The following WBP11 variants were observed in gnomAD, a reference collection of about 807,000 sequenced individuals.
WBP11 encodes the protein WW domain binding protein 11, also known as WW domain-binding protein 11.
Under a neutral mutation model 66.7 loss-of-function variants are expected in WBP11, and 12 were observed. The ratio of observed to expected loss-of-function variants is 0.18; its 90% CI spans 0.12 to 0.29. The LOEUF is 0.29. Ranked by LOEUF, WBP11 falls within the 10% of genes least tolerant of loss-of-function variation. The probability of loss-of-function intolerance (pLI) is 1.00; values close to 1 mark genes in which losing one functional copy is unlikely to be tolerated. For synonymous variants in WBP11, 255 were observed against 273.8 expected (o/e 0.93, Z 0.68); for missense variants, 555 against 818.3 (o/e 0.68, Z 3.93).
chr12:14,789,690 C>T (rs1379687777), intron 10 of WBP11, among the ~76,000 whole-genome samples: 17 of 152,084 alleles, frequency 1.1e-4, no homozygotes, highest in Admixed American at 9.8e-4. Flanking sequence ...ATCACAGCTC[C>T]GCAATGTTGG....
chr12:14,800,662 T>C, intron 3 of WBP11, 90 bp downstream of exon 3: 1 of 1,212,372 alleles, frequency 8.2e-7, no homozygotes, highest in Non-Finnish European at 1.2e-6. Flanking sequence ...TAGAAAATAT[T>C]AGAAATGTTA....
intron 11 of WBP11, 84 bp from the exon 12 acceptor site, chr12:14,787,582 C>A: frequency 1.6e-6 from 2 of 1,245,892 alleles, no homozygotes; most frequent in Non-Finnish European, 1.0e-6. Flanking sequence ...TATTGGTTGC[C>A]AATTTTTAAA....
chr12:14,799,922 T>C (rs1296822934), intron 3 of WBP11, among the ~76,000 whole-genome samples, 194 bp from the exon 4 acceptor site: 1 of 152,222 alleles, frequency 6.6e-6, no homozygotes, highest in Non-Finnish European at 1.5e-5. Context: ...ATTTTTAAGA[T>C]GTGCTTTCTT....
At position 14,793,753 on chromosome 12, in the gene WBP11, G is replaced by C. The variant is rs1682323494; in HGVS notation, c.891C>G (p.Asp297Glu). The change falls in exon 8 of 12, where the codon GAC becomes GAG. Residue 297 changes from aspartate (D) to glutamate (E), a missense_variant. Physicochemically the swap from Asp to Glu is conservative, Grantham distance 45. Coordinates refer to ENST00000261167, the MANE Select transcript of WBP11 (RefSeq NM_016312.3). ...EFVHRDNGERDNNEEKKSGLS... is the reference protein window; with the variant it reads ...EFVHRDNGERENNEEKKSGLS... ...TACCTGACTTCTTTTCTTCATTGTT[G>C]TCTCTCTCACCATTATCACGGTGCA... The C allele has an allele frequency of 6.2e-7, 1 of 1,613,108 alleles. No homozygotes were observed. Among genetic ancestry groups the C allele is most frequent in the South Asian group, 1.1e-5 (1 of 90,928 alleles).
At chr12:14,797,137 A>C in intron 4 of WBP11, 134 bp from the exon 5 acceptor site, 1 of 540,860 alleles carries the variant, frequency 1.8e-6, no homozygotes, top group Non-Finnish European at 2.9e-6. Flanking sequence ...TACTCTTTTC[A>C]ATTTTATTCG....
chr12:14,793,931 T>G lies in WBP11; in HGVS notation c.722-9A>C. Reference sequence around the variant, plus strand: ...ATCATGACCTCGCTGGGCTGAAAAGTGGGAAGGGAACATGGAGAAGTAGTA... The same window carrying G: ...ATCATGACCTCGCTGGGCTGAAAAGGGGGAAGGGAACATGGAGAAGTAGTA... On this transcript the variant is annotated splice_polypyrimidine_tract_variant and intron_variant, in intron 7 of 11. Coordinates refer to ENST00000261167, the MANE Select transcript of WBP11 (RefSeq NM_016312.3). The G allele has an allele frequency of 6.3e-7, 1 of 1,598,184 alleles. No individual in the cohort carries two copies. The highest frequency in any genetic ancestry group is 1.7e-5 in the Admixed American group (1 of 58,520).
intron 8 of WBP11, among the ~76,000 whole-genome samples, chr12:14,793,043 A>G (rs1265162228): frequency 6.6e-6 from 1 of 152,112 alleles, no homozygotes; most frequent in Non-Finnish European, 1.5e-5. Context: ...TCTTGCAACC[A>G]TGATTCTTAA....
At position 14,785,410 on chromosome 12, in the gene WBP11, C is replaced by A. The variant is rs1248822103; in HGVS notation, c.*1655G>T. On this transcript the variant is annotated 3_prime_UTR_variant, in exon 12 of 12. Transcript: ENST00000261167. Reference sequence around the variant, plus strand: ...CAATATTGATACCATATGGTTTGATCCTTGATATCCGTAAGTTATCAAGGA... The same window carrying A: ...CAATATTGATACCATATGGTTTGATACTTGATATCCGTAAGTTATCAAGGA... The A allele has an allele frequency of 6.6e-6, 1 of 152,068 alleles. No homozygotes were observed. The highest frequency in any genetic ancestry group is 1.5e-5 in the Non-Finnish European group (1 of 68,004). The allele number at this position is 152,068 out of a possible 1,614,324, so 9.4% of individuals were successfully genotyped here. A position where few individuals can be genotyped will look rare whatever the true frequency, so the allele number is the denominator to read the frequency against.
Position 14,788,963 on chromosome 12 carries a change from G to T in WBP11, c.1480C>A (p.Pro494Thr). 1 of 1,455,934 alleles carries T rather than the reference G, an allele frequency of 6.9e-7. No homozygotes were observed. The allele number at this position is 1,455,934 out of a possible 1,614,324, so 90.2% of individuals were successfully genotyped here. A position where few individuals can be genotyped will look rare whatever the true frequency, so the allele number is the denominator to read the frequency against. ...PRGPPPRLPPPAPPGIPPPRP... is the reference protein window; with the variant it reads ...PRGPPPRLPPTAPPGIPPPRP... Reference sequence around the variant, plus strand: ...TTGAAAGCATCACCTGGAGGTGCAGGGGGAGGTAGCCTTGGTGGGGGTCCA... The same window carrying T: ...TTGAAAGCATCACCTGGAGGTGCAGTGGGAGGTAGCCTTGGTGGGGGTCCA... The change falls in exon 11 of 12, where the codon CCT becomes ACT. Residue 494 changes from proline to threonine, a missense_variant. Pro to Thr is a conservative substitution (Grantham distance 38). Around this residue, in one of 6 missense-constraint regions of WBP11, gnomAD observed 230 missense variants for 286.3 expected, o/e 0.80. Coordinates refer to ENST00000261167, the MANE Select transcript of WBP11 (RefSeq NM_016312.3).
chr12:14,784,852 A>G lies in WBP11; in HGVS notation c.*2213T>C, dbSNP rs1949733760. On this transcript the variant is annotated 3_prime_UTR_variant, in exon 12 of 12. Coordinates refer to ENST00000261167, the MANE Select transcript of WBP11 (RefSeq NM_016312.3). ...AGCTGACCATTTTCATGAAAATATT[A>G]TGTAAATTATGATCATAACAAGTGT... 6.6e-6 allele frequency: 1 copy of G among 152,216 alleles called. No individual in the cohort carries two copies. Among genetic ancestry groups the G allele is most frequent in the African/African-American group, 2.4e-5 (1 of 41,454 alleles). 9.4% of individuals were successfully genotyped at this position (152,216 alleles called of 1,614,324 possible).
chr12:14,785,265 G>A lies in WBP11; in HGVS notation c.*1800C>T, dbSNP rs1005571486. 3 of 152,164 alleles carry A rather than the reference G, an allele frequency of 2.0e-5. No individual in the cohort carries two copies. The highest frequency in any genetic ancestry group is 1.3e-4 in the Admixed American group (2 of 15,278). The allele number at this position is 152,164 out of a possible 1,614,324, so 9.4% of individuals were successfully genotyped here. On this transcript the variant is annotated 3_prime_UTR_variant, in exon 12 of 12. Coordinates refer to ENST00000261167, the MANE Select transcript of WBP11 (RefSeq NM_016312.3). ...AGCCTGGGCAACAGAGTTAGAACCT[G>A]TCTCCATGGAAAAATGATAAAAACA...
Position 14,793,472 on chromosome 12 carries a change from T to C in WBP11, c.913+259A>G, listed in dbSNP as rs141734802. 2.0e-4 allele frequency among the ~76,000 whole-genome samples: 31 copies of C among 152,350 alleles called. 1 individual carries two copies. The East Asian group carries it at 5.8e-3, about 28-fold the overall frequency. The stretch of plus-strand genomic sequence containing the variant: ...CCCATAATACGTTTATGCTGTTGAA[T>C]AGTTATACCTTTTACCCCAAAGTGA... On this transcript the variant is annotated intron_variant, in intron 8 of 11. Coordinates refer to ENST00000261167, the MANE Select transcript of WBP11 (RefSeq NM_016312.3).
Position 14,796,549 on chromosome 12 carries a change from T to C in WBP11, c.387+258A>G, listed in dbSNP as rs1303485715. Among the ~76,000 whole-genome samples, 1 of 152,210 alleles carries C rather than the reference T, an allele frequency of 6.6e-6. No homozygotes were observed. The highest frequency in any genetic ancestry group is 2.4e-5 in the African/African-American group (1 of 41,456). On this transcript the variant is annotated intron_variant, in intron 5 of 11. Transcript: ENST00000261167. This position sits in a 1 kb window ranked among gnomAD's most constrained non-coding sequence, Gnocchi z 4.5. ...GGAAAAATCCACACCTGACCTAATG[T>C]GATGGGTCGTAGTTTTGTTTCATGC... is the stretch of plus-strand genomic sequence containing the variant.
intron 9 of WBP11, 64 bp downstream of exon 9, chr12:14,791,105 G>C (rs1281640845): frequency 6.8e-7 from 1 of 1,470,878 alleles, no homozygotes; most frequent in Non-Finnish European, 9.4e-7. Context: ...ATGGAAAAAC[G>C]TATGTAAAGT....
intron 10 of WBP11, 86 bp downstream of exon 10, chr12:14,790,370 C>T (rs779593988): frequency 1.0e-5 from 15 of 1,482,308 alleles, no homozygotes; most frequent in Non-Finnish European, 1.3e-5. Flanking sequence ...AACAAGAAAA[C>T]ATGAACACTA....
chr12:14,799,612 G>T, intron 4 of WBP11, 23 bp downstream of exon 4: 1 of 1,607,906 alleles, frequency 6.2e-7, no homozygotes. Flanking sequence ...GACTGTTATA[G>T]CTGCCTGTTT....
intron 2 of WBP11, 99 bp downstream of exon 2, chr12:14,801,221 C>T: frequency 8.2e-7 from 1 of 1,213,784 alleles, no homozygotes; most frequent in Non-Finnish European, 1.2e-6. Context: ...CCTCCTATCA[C>T]TGCTGGTCTT....
At position 14,790,506 on chromosome 12, in the gene WBP11, G is replaced by A; in HGVS notation, c.1259C>T (p.Pro420Leu). Residue 420 changes from proline (P) to leucine (L), a missense_variant, in exon 10 of 12, where the codon CCA becomes CTA. Physicochemically the swap from Pro to Leu is moderately conservative, Grantham distance 98. Coordinates refer to ENST00000261167, the MANE Select transcript of WBP11 (RefSeq NM_016312.3). ...TGTAGGTGGCCCAGGAGGCCGTAATGGTGGAGCAGGTGGTGGTCCAAGAGG... is the reference window on the plus strand; with the variant it reads ...TGTAGGTGGCCCAGGAGGCCGTAATAGTGGAGCAGGTGGTGGTCCAAGAGG... ...PPPLGPPPAP[P>L]LRPPGPPTGL... 6.2e-7 allele frequency: 1 copy of A among 1,614,030 alleles called. No homozygotes were observed. The highest frequency in any genetic ancestry group is 8.5e-7 in the Non-Finnish European group (1 of 1,179,872).
chr12:14,786,824 A>G lies in WBP11; in HGVS notation c.*241T>C. ...GAGGAGGGGAAGAAACAGGGTGAAA[A>G]TGGTGGTATGAAAGGGAATGGATGT... is the stretch of plus-strand genomic sequence containing the variant. On this transcript the variant is annotated 3_prime_UTR_variant, in exon 12 of 12. Coordinates refer to ENST00000261167, the MANE Select transcript of WBP11 (RefSeq NM_016312.3). 5.0e-6 allele frequency: 2 copies of G among 398,878 alleles called. No individual in the cohort carries two copies. Among genetic ancestry groups the G allele is most frequent in the Non-Finnish European group, 4.5e-6 (1 of 221,962 alleles). The allele number at this position is 398,878 out of a possible 1,614,324, so 24.7% of individuals were successfully genotyped here.
Sources: allele counts gnomAD v4.1 joint callset (sites outside exome capture counted in the v4.1 genomes callset), GRCh38; gene constraint gnomAD v4.1.1; regional missense constraint gnomAD v4.1.1; non-coding constraint Gnocchi (gnomAD v3.1); transcripts MANE v1.5; gene names NCBI Gene and HGNC (gene_info 2026-07-23, HGNC 2026-07-21).